SAMMSON: variants seen among roughly 807,000 people sequenced by gnomAD.
SAMMSON encodes the protein long intergenic non-protein coding RNA 1212.
At chr3:70,137,213 C>T (rs2067509596) in intron 4 of SAMMSON, among the ~76,000 whole-genome samples, 1 of 152,080 alleles carries the variant, frequency 6.6e-6, no homozygotes, top group Admixed American at 6.6e-5. Context: ...TAAAATCATG[C>T]TCTACATACT....
At chr3:70,174,102 A>T (rs1300313983) in intron 4 of SAMMSON, among the ~76,000 whole-genome samples, 1 of 132,864 alleles carries the variant, frequency 7.5e-6, no homozygotes, top group Non-Finnish European at 1.7e-5. Context: ...GCTTAATCTC[A>T]TATAATTCTT....
intron 6 of SAMMSON, among the ~76,000 whole-genome samples, chr3:70,278,056 T>TA (rs1490774657): frequency 1.3e-5 from 2 of 152,118 alleles, no homozygotes; most frequent in Non-Finnish European, 2.9e-5. Flanking sequence ...CCCATCAAGA[T>TA]AAAAAACACT....
chr3:70,343,424 T>G (rs948292336), intron 7 of SAMMSON, among the ~76,000 whole-genome samples: 1 of 152,148 alleles, frequency 6.6e-6, no homozygotes, highest in Admixed American at 6.5e-5. Flanking sequence ...TTGCTTTTGA[T>G]GACTTTGACA....
At chr3:70,252,937 G>C (rs542095163) in intron 6 of SAMMSON, among the ~76,000 whole-genome samples, 1 of 151,840 alleles carries the variant, frequency 6.6e-6, no homozygotes, top group Non-Finnish European at 1.5e-5. Flanking sequence ...AAAATTAGCC[G>C]GCTGTGGTGG....
intron 7 of SAMMSON, among the ~76,000 whole-genome samples, chr3:70,324,416 A>G (rs1481271648): frequency 6.6e-6 from 1 of 151,790 alleles, no homozygotes; most frequent in Non-Finnish European, 1.5e-5. Flanking sequence ...CTTGTTTGTC[A>G]TTCTAGTCAT....
At chr3:70,121,532 A>G (rs1422338119) in intron 4 of SAMMSON, among the ~76,000 whole-genome samples, 1 of 152,206 alleles carries the variant, frequency 6.6e-6, no homozygotes, top group Admixed American at 6.5e-5. Flanking sequence ...GCATCAGAAG[A>G]GTCATCATGA....
chr3:70,372,308 A>G (rs1702976926), intron 9 of SAMMSON, among the ~76,000 whole-genome samples: 1 of 151,338 alleles, frequency 6.6e-6, no homozygotes. Flanking sequence ...TTTTATTTTT[A>G]TTTATATATT....
chr3:70,139,923 C>T (rs913645318), intron 4 of SAMMSON, among the ~76,000 whole-genome samples: 2 of 152,142 alleles, frequency 1.3e-5, no homozygotes, highest in Non-Finnish European at 2.9e-5. Context: ...CTTTCCTTAT[C>T]AAATTTGGTC....
At chr3:70,409,153 G>A (rs1167307963) in intron 2 of SAMMSON, among the ~76,000 whole-genome samples, 1 of 152,170 alleles carries the variant, frequency 6.6e-6, no homozygotes, top group East Asian at 1.9e-4. Context: ...AGATTTGGGT[G>A]GGGACATAGC....
chr3:70,272,114 CCA>C (rs1198051812), intron 6 of SAMMSON: 1 of 152,120 alleles, frequency 6.6e-6, no homozygotes, highest in Non-Finnish European at 1.5e-5. Flanking sequence ...TATCACATGC[CCA>C]GAGTTGCTCA....
intron 6 of SAMMSON, among the ~76,000 whole-genome samples, chr3:70,286,096 C>T (rs1249088101): frequency 6.6e-6 from 1 of 152,146 alleles, no homozygotes; most frequent in Non-Finnish European, 1.5e-5. Flanking sequence ...TGTTTTGCTG[C>T]CATTGCTTTT....
At chr3:70,190,625 T>C (rs1701124425) in intron 4 of SAMMSON, among the ~76,000 whole-genome samples, 1 of 152,218 alleles carries the variant, frequency 6.6e-6, no homozygotes, top group East Asian at 1.9e-4. Flanking sequence ...GCCACACAGA[T>C]ACTTTTATTC....
chr3:70,400,818 G>A (rs1423956860), intron 2 of SAMMSON, among the ~76,000 whole-genome samples: 1 of 152,052 alleles, frequency 6.6e-6, no homozygotes, highest in African/African-American at 2.4e-5. Context: ...TGTAATTCCA[G>A]CTACTCAGGA....
chr3:70,093,913 T>A (rs958878233), intron 4 of SAMMSON, among the ~76,000 whole-genome samples: 18 of 152,168 alleles, frequency 1.2e-4, no homozygotes, highest in African/African-American at 4.3e-4. Context: ...GTCAAAGCCC[T>A]TAGGTGCCTT....
intron 4 of SAMMSON, among the ~76,000 whole-genome samples, chr3:70,080,896 C>T (rs186712669): frequency 9.1e-4 from 139 of 152,146 alleles, no homozygotes; most frequent in African/African-American, 3.3e-3. Context: ...ACTAAGTGTT[C>T]AAGTATAAGG....
At chr3:70,417,603 C>T (rs1002013212) in intron 2 of SAMMSON, among the ~76,000 whole-genome samples, 6 of 152,160 alleles carry the variant, frequency 3.9e-5, no homozygotes, top group Non-Finnish European at 5.9e-5. Context: ...AGCTCAGCTA[C>T]GAGTATCATC....
chr3:70,348,107 C>G (rs1702765947), intron 7 of SAMMSON, among the ~76,000 whole-genome samples: 1 of 152,108 alleles, frequency 6.6e-6, no homozygotes, highest in Admixed American at 6.6e-5. Context: ...ATGATTGGAA[C>G]ATACTGAAGG....
intron 4 of SAMMSON, among the ~76,000 whole-genome samples, chr3:70,177,249 C>T (rs1020782206): frequency 2.0e-5 from 3 of 152,220 alleles, no homozygotes; most frequent in Non-Finnish European, 2.9e-5. Flanking sequence ...TACACTGGTA[C>T]ATACCCCTAC....
chr3:70,045,169 A>C (rs1291242874), intron 3 of SAMMSON, among the ~76,000 whole-genome samples: 1 of 131,036 alleles, frequency 7.6e-6, no homozygotes, highest in African/African-American at 2.8e-5. Flanking sequence ...ATATATTATA[A>C]TTTATATATA....
Sources: allele counts gnomAD v4.1 joint callset (sites outside exome capture counted in the v4.1 genomes callset), GRCh38; gene constraint gnomAD v4.1.1; transcripts MANE v1.5; gene names NCBI Gene and HGNC (gene_info 2026-07-23, HGNC 2026-07-21).